Variants in NPAS3 observed in about 807,000 individuals in gnomAD.
The protein encoded by NPAS3 is neuronal PAS domain protein 3, also known as neuronal PAS domain-containing protein 3.
A neutral mutation model predicts 73.1 loss-of-function variants in NPAS3; 14 were observed. That is an observed-to-expected ratio of 0.19 (90% CI 0.13 to 0.30). The LOEUF is 0.30. NPAS3 is among the 10% of genes least tolerant of loss of function. The probability of loss-of-function intolerance (pLI) is 1.00; values close to 1 mark genes in which losing one functional copy is unlikely to be tolerated. For missense variants in NPAS3, 1,096 were observed against 1,250.0 expected, an observed-to-expected ratio of 0.88 and a Z score of 1.86; for synonymous variants, 620 against 541.5, an observed-to-expected ratio of 1.14 and a Z score of -2.01.
intron 4 of NPAS3, among the ~76,000 whole-genome samples, chr14:33,404,185 A>G (rs1247908023): frequency 6.6e-6 from 1 of 152,140 alleles, no homozygotes; most frequent in Non-Finnish European, 1.5e-5. Flanking sequence ...GTATTTCATA[A>G]TCTCTTTGGA....
intron 5 of NPAS3, among the ~76,000 whole-genome samples, chr14:33,656,048 T>C (rs1401771857): frequency 6.6e-6 from 1 of 152,210 alleles, no homozygotes. Flanking sequence ...CTCTCTTGTC[T>C]CTATTCCTAC....
intron 2 of NPAS3, among the ~76,000 whole-genome samples, chr14:33,065,910 TTCTTC>T (rs1463480234): frequency 6.6e-6 from 1 of 152,134 alleles, no homozygotes; most frequent in Admixed American, 6.6e-5. Context: ...TTTTTGATGA[TTCTTC>T]TCTTTGCTTC....
chr14:33,600,892 T>C (rs1459177194), intron 5 of NPAS3, among the ~76,000 whole-genome samples: 4 of 152,190 alleles, frequency 2.6e-5, no homozygotes, highest in Non-Finnish European at 5.9e-5. Context: ...AAAAGCTTCA[T>C]GGGCAGTGGT....
chr14:33,209,136 A>G (rs1170416350), intron 2 of NPAS3, among the ~76,000 whole-genome samples: 2 of 152,130 alleles, frequency 1.3e-5, no homozygotes, highest in African/African-American at 4.8e-5. Flanking sequence ...TTCTGAAATT[A>G]TTATCTTTTT....
chr14:33,475,240 T>C (rs1040920124), intron 4 of NPAS3, among the ~76,000 whole-genome samples: 10 of 152,204 alleles, frequency 6.6e-5, no homozygotes, highest in African/African-American at 2.4e-4. Flanking sequence ...TTGTAGTTAA[T>C]AGATCTTAAT....
chr14:33,246,792 G>A (rs1052961279), intron 3 of NPAS3, among the ~76,000 whole-genome samples: 4 of 137,320 alleles, frequency 2.9e-5, no homozygotes, highest in South Asian at 2.3e-4. Flanking sequence ...TCAGGAGTTC[G>A]AGACCAGGCT....
At chr14:33,415,021 A>G (rs1252914992) in intron 4 of NPAS3, among the ~76,000 whole-genome samples, 1 of 152,090 alleles carries the variant, frequency 6.6e-6, no homozygotes, top group Non-Finnish European at 1.5e-5. Flanking sequence ...GAGATGTGCA[A>G]AACACCCACA....
chr14:33,091,787 T>G (rs1275897931), intron 2 of NPAS3, among the ~76,000 whole-genome samples: 2 of 152,082 alleles, frequency 1.3e-5, no homozygotes, highest in African/African-American at 4.8e-5. Context: ...TCAAGTGGGC[T>G]TCATCCGTGG....
At chr14:33,587,184 T>C (rs2056892251) in intron 5 of NPAS3, among the ~76,000 whole-genome samples, 1 of 152,226 alleles carries the variant, frequency 6.6e-6, no homozygotes, top group Non-Finnish European at 1.5e-5. Context: ...TTTAGTCTGT[T>C]GTCAATTGAT....
rs10141940 is a variant in NPAS3 at position 33,800,515 on chromosome 14, C to G, written c.2208C>G (p.Thr736=). ...AGACTCAGTTCGGCGCCTCGGCCACCGCGGCCCTGGCCCCCGTCGCCTCCG... is the reference window on the plus strand; with the variant it reads ...AGACTCAGTTCGGCGCCTCGGCCACGGCGGCCCTGGCCCCCGTCGCCTCCG... Residue 736 remains threonine (T), a synonymous_variant, in exon 12 of 12, where the codon ACC becomes ACG. Transcript: ENST00000356141. This position sits in a 1 kb window ranked among gnomAD's most constrained non-coding sequence, Gnocchi z 6.5. 1.8e-5 allele frequency: 26 copies of G among 1,413,004 alleles called. No individual in the cohort carries two copies. The Admixed American group carries it at 8.0e-4, about 43-fold the overall frequency. 87.5% of individuals were successfully genotyped at this position (1,413,004 alleles called of 1,614,324 possible).
intron 1 of NPAS3, among the ~76,000 whole-genome samples, chr14:33,005,196 G>A (rs1006917693): frequency 6.6e-6 from 1 of 152,032 alleles, no homozygotes; most frequent in Non-Finnish European, 1.5e-5. Flanking sequence ...AATACTGTGT[G>A]GGCCAAGGGT....
intron 7 of NPAS3, among the ~76,000 whole-genome samples, chr14:33,760,594 C>T (rs1017436611): frequency 2.6e-5 from 4 of 152,002 alleles, no homozygotes; most frequent in African/African-American, 9.7e-5. Context: ...TCGCCTCATC[C>T]CTTCCTTCTA....
intron 5 of NPAS3, among the ~76,000 whole-genome samples, chr14:33,640,423 C>G (rs185925991): frequency 6.6e-6 from 1 of 152,172 alleles, no homozygotes; most frequent in African/African-American, 2.4e-5. Context: ...TTCTGAGACT[C>G]TTTTATTCAT....
intron 2 of NPAS3, among the ~76,000 whole-genome samples, chr14:33,121,711 A>C (rs2043237063): frequency 6.6e-6 from 1 of 152,190 alleles, no homozygotes; most frequent in Admixed American, 6.5e-5. Context: ...GGAAATAGAA[A>C]GTATAATTGA....
rs567935716 is a variant in NPAS3, at chr14:33,497,526, C to T, written c.469-62595C>T. 3.2e-4 allele frequency among the ~76,000 whole-genome samples: 49 copies of T among 151,950 alleles called. No homozygotes were observed. In the South Asian group the frequency reaches 7.9e-3, roughly 24 times the overall value. On this transcript the variant is annotated intron_variant, in intron 4 of 11. Coordinates refer to ENST00000356141, the Ensembl canonical transcript of NPAS3. Reference sequence around the variant, plus strand: ...ATATAGACCAATGGAACAGAACAGACGCCTCAGAAATAATACCACACATCT... The same window carrying T: ...ATATAGACCAATGGAACAGAACAGATGCCTCAGAAATAATACCACACATCT...
At chr14:33,680,952 A>G in intron 6 of NPAS3, 1 of 321,150 alleles carries the variant, frequency 3.1e-6, no homozygotes. Flanking sequence ...ATGCTATTAT[A>G]CTTACGCTAT....
chr14:33,563,202 A>G lies in NPAS3; in HGVS notation c.558+2992A>G, dbSNP rs181599351. ...CCCTTCCTCAGTTTTATTTTCTTTC[A>G]ATGTGTACATAAATGTGGTGGCTTT... On this transcript the variant is annotated intron_variant, in intron 5 of 11. Transcript: ENST00000356141. Among the ~76,000 whole-genome samples, 711 of 152,194 alleles carry G rather than the reference A, an allele frequency of 4.7e-3. 9 individuals carry two copies. Among genetic ancestry groups the G allele is most frequent in the African/African-American group, 0.016 (646 of 41,520 alleles).
intron 4 of NPAS3, among the ~76,000 whole-genome samples, chr14:33,470,204 T>C (rs2050720884): frequency 6.6e-6 from 1 of 152,160 alleles, no homozygotes; most frequent in African/African-American, 2.4e-5. Flanking sequence ...TTACAACATA[T>C]TTTATTGGAA....
chr14:33,356,152 G>A (rs548285852), intron 3 of NPAS3, among the ~76,000 whole-genome samples: 1 of 152,356 alleles, frequency 6.6e-6, no homozygotes, highest in East Asian at 1.9e-4. Flanking sequence ...GGTTAAATAA[G>A]TTCCCATTGC....
Sources: gnomAD v4.1 joint callset for allele counts (sites outside exome capture counted in the v4.1 genomes callset) on GRCh38, gnomAD v4.1.1 for gene constraint, Gnocchi (gnomAD v3.1) non-coding constraint, MANE v1.5 for transcripts, NCBI Gene and HGNC (gene_info 2026-07-23, HGNC 2026-07-21) for gene names.